The following PCNX1 variants were observed in gnomAD, a reference collection of about 807,000 sequenced individuals.
PCNX1 encodes the protein pecanex 1.
A neutral mutation model predicts 242.2 loss-of-function variants in PCNX1; 78 were observed. That is an observed-to-expected ratio of 0.32 (90% confidence interval 0.27 to 0.39). PCNX1 has a LOEUF of 0.39. Ranked by LOEUF, PCNX1 falls within the 10% of genes least tolerant of loss-of-function variation. PCNX1 has a pLI of 1.00. For synonymous variants in PCNX1, 1,024 were observed against 1,032.9 expected (o/e 0.99, Z 0.17); for missense variants, 2,581 against 2,856.5 (o/e 0.90, Z 2.20).
chr14:71,041,268 G>A (rs2060695766), intron 19 of PCNX1, among the ~76,000 whole-genome samples: 1 of 152,118 alleles, frequency 6.6e-6, no homozygotes, highest in Admixed American at 6.5e-5. Context: ...CTCCGTAGTG[G>A]TTGTACTAAT....
At chr14:70,933,706 T>C (rs753599786) in intron 1 of PCNX1, among the ~76,000 whole-genome samples, 2 of 152,182 alleles carry the variant, frequency 1.3e-5, no homozygotes, top group African/African-American at 2.4e-5. Flanking sequence ...AGTTTCCCTA[T>C]CTTGAAAATG....
At chr14:70,936,641 G>C (rs1358900575) in intron 1 of PCNX1, among the ~76,000 whole-genome samples, 1 of 152,152 alleles carries the variant, frequency 6.6e-6, no homozygotes, top group Non-Finnish European at 1.5e-5. Context: ...ATTTGGCTAA[G>C]TACCCAGTAA....
intron 1 of PCNX1, among the ~76,000 whole-genome samples, chr14:70,932,755 G>A (rs1391683695): frequency 2.0e-5 from 3 of 151,990 alleles, no homozygotes; most frequent in African/African-American, 7.2e-5. Context: ...TGGGATTACA[G>A]TCATGCGCCA....
At chr14:70,998,130 A>T (rs1395831649) in intron 8 of PCNX1, among the ~76,000 whole-genome samples, 1 of 152,212 alleles carries the variant, frequency 6.6e-6, no homozygotes, top group East Asian at 1.9e-4. Flanking sequence ...TTTGCATTAA[A>T]AAAAAACTCT....
Position 71,103,573 on chromosome 14 carries a change from C to G in PCNX1, c.5999C>G (p.Thr2000Ser), listed in dbSNP as rs774930779. 4.1e-5 allele frequency: 66 copies of G among 1,614,070 alleles called. No individual in the cohort carries two copies. Among genetic ancestry groups the G allele is most frequent in the Non-Finnish European group, 5.3e-5 (62 of 1,180,024 alleles). The change falls in exon 32 of 36, where the codon ACT becomes AGT. Residue 2000 changes from threonine to serine, a missense_variant. Physicochemically the swap from Thr to Ser is moderately conservative, Grantham distance 58. Transcript: ENST00000304743. ...GYPIFVSPLTTSYSDSHEQLK... is the reference protein window; with the variant it reads ...GYPIFVSPLTSSYSDSHEQLK... ...CCAATCTTTGTCTCACCCCTGACAA[C>G]TTCTTACTCTGACAGCCACGAACAG...
intron 1 of PCNX1, among the ~76,000 whole-genome samples, chr14:70,915,124 A>G (rs541731284): frequency 7.9e-5 from 12 of 152,218 alleles, no homozygotes; most frequent in African/African-American, 2.6e-4. Context: ...TTGCTGAGTA[A>G]TATTCCTTTG....
chr14:71,112,574 AT>A lies in PCNX1; in HGVS notation c.*2640del, dbSNP rs1566818948. The stretch of plus-strand genomic sequence containing the variant: ...ATTTGATCTAAATTATTATATGGAA[AT>A]AAACATACTTGTGTTAACTAAATTG... On this transcript the variant is annotated 3_prime_UTR_variant, in exon 36 of 36. Transcript: ENST00000304743. 1 of 152,172 alleles carries A rather than the reference AT, an allele frequency of 6.6e-6. No individual in the cohort carries two copies. The highest frequency in any genetic ancestry group is 2.1e-4 in the South Asian group (1 of 4,832). The allele number at this position is 152,172 out of a possible 1,614,324, so 9.4% of individuals were successfully genotyped here.
chr14:71,072,341 G>C (rs1293602108), intron 26 of PCNX1, among the ~76,000 whole-genome samples: 1 of 152,152 alleles, frequency 6.6e-6, no homozygotes, highest in African/African-American at 2.4e-5. Context: ...ATCAGTGTCA[G>C]GTTCAAGTCA....
At chr14:71,051,136 C>T (rs995093734) in intron 23 of PCNX1, among the ~76,000 whole-genome samples, 14 of 136,190 alleles carry the variant, frequency 1.0e-4, no homozygotes, top group African/African-American at 3.9e-4. Flanking sequence ...CCATTGCACT[C>T]CAGCCTGGGC....
intron 26 of PCNX1, among the ~76,000 whole-genome samples, chr14:71,063,485 G>A (rs1380295314): frequency 2.6e-5 from 4 of 152,174 alleles, no homozygotes; most frequent in African/African-American, 7.2e-5. Context: ...ATTAAATAAT[G>A]TAAGTGTGTA....
Position 71,057,738 on chromosome 14 carries a change from TCAC to T in PCNX1, c.4852+16_4852+18del. On this transcript the variant is annotated intron_variant, in intron 26 of 35. Transcript: ENST00000304743. ...TTGAATTCAGAGGTAAGACATTCAT[TCAC>T]CTTTTATTTCTGTAGCATACTCCTG... The T allele has an allele frequency of 6.4e-7, 1 of 1,566,682 alleles. No individual in the cohort carries two copies. The highest frequency in any genetic ancestry group is 8.8e-7 in the Non-Finnish European group (1 of 1,137,306).
chr14:70,915,099 C>T (rs2056097353), intron 1 of PCNX1, among the ~76,000 whole-genome samples: 1 of 152,114 alleles, frequency 6.6e-6, no homozygotes, highest in Non-Finnish European at 1.5e-5. Context: ...GTATCAGTAG[C>T]TTTTTTCCTT....
intron 1 of PCNX1, among the ~76,000 whole-genome samples, chr14:70,930,938 A>G (rs886381989): frequency 6.6e-6 from 1 of 152,196 alleles, no homozygotes; most frequent in Non-Finnish European, 1.5e-5. Flanking sequence ...CCCTGGAGCC[A>G]TGGCCATTGA....
chr14:71,012,432 G>A (rs899276765), intron 10 of PCNX1: 2 of 156,248 alleles, frequency 1.3e-5, no homozygotes, highest in African/African-American at 4.8e-5. Flanking sequence ...TAAGATTTTA[G>A]ACACTTTTCT....
chr14:70,971,886 T>G (rs1165170603), intron 5 of PCNX1, among the ~76,000 whole-genome samples: 1 of 152,172 alleles, frequency 6.6e-6, no homozygotes, highest in Non-Finnish European at 1.5e-5. Context: ...GGCCAAACAG[T>G]ATGGAGTTTT....
At chr14:71,083,744 T>TCC (rs2061914536) in intron 28 of PCNX1, among the ~76,000 whole-genome samples, 1 of 152,102 alleles carries the variant, frequency 6.6e-6, no homozygotes, top group Non-Finnish European at 1.5e-5. Context: ...AGTTAGCAAT[T>TCC]CCTCTGACCT....
chr14:70,944,286 G>C (rs142689931), intron 1 of PCNX1, among the ~76,000 whole-genome samples: 18 of 152,366 alleles, frequency 1.2e-4, no homozygotes, highest in African/African-American at 4.1e-4. Flanking sequence ...GGATGGAGCT[G>C]TCCAAGGCCA....
chr14:71,050,001 G>A (rs2060976857), intron 22 of PCNX1, among the ~76,000 whole-genome samples: 1 of 152,166 alleles, frequency 6.6e-6, no homozygotes. Flanking sequence ...AAATTTCTAT[G>A]GAAACAGGCA....
intron 1 of PCNX1, among the ~76,000 whole-genome samples, chr14:70,944,046 A>T (rs2057367736): frequency 6.6e-6 from 1 of 152,226 alleles, no homozygotes; most frequent in Non-Finnish European, 1.5e-5. Context: ...TGGAGCCCTT[A>T]TGGAAAACAT....
Sources: gnomAD v4.1 joint callset for allele counts (sites outside exome capture counted in the v4.1 genomes callset) on GRCh38, gnomAD v4.1.1 for gene constraint, MANE v1.5 for transcripts, NCBI Gene and HGNC (gene_info 2026-07-23, HGNC 2026-07-21) for gene names.